PCBD2: variants seen among roughly 807,000 people sequenced by gnomAD.
PCBD2 encodes pterin-4-alpha-carbinolamine dehydratase 2.
In PCBD2, 12 loss-of-function variants were observed where a neutral mutation model predicts 16.4. The observed-to-expected ratio is 0.73, with a 90% CI of 0.47 to 1.19. The LOEUF (loss-of-function observed/expected upper bound fraction) is 1.19, where lower values mean the gene tolerates loss of function less well. PCBD2 is among the 50% of genes most tolerant of loss of function. The pLI, the probability that PCBD2 is intolerant of heterozygous loss-of-function variation, is 0.00. For synonymous variants in PCBD2, 58 were observed against 61.8 expected (o/e 0.94, Z 0.29); for missense variants, 138 against 156.8 (o/e 0.88, Z 0.64).
At chr5:134,921,649 G>A (rs900868856) in intron 2 of PCBD2, among the ~76,000 whole-genome samples, 31 of 152,124 alleles carry the variant, frequency 2.0e-4, no homozygotes, top group Admixed American at 2.0e-3. Flanking sequence ...CCTTCAAATG[G>A]CTTGTTCCTC....
Position 134,912,442 on chromosome 5 carries a change from C to T in PCBD2, c.216+1976C>T, listed in dbSNP as rs922796291. Among the ~76,000 whole-genome samples, 5 of 152,170 alleles carry T rather than the reference C, an allele frequency of 3.3e-5. No homozygotes were observed. The East Asian group carries it at 5.8e-4, about 18-fold the overall frequency. ...AGGGAGAGTGCACACCAAAGGGCAC[C>T]GTGGGGTGAGCCCATATAGGATTTG... On this transcript the variant is annotated intron_variant, in intron 2 of 3. Transcript: ENST00000254908.
intron 2 of PCBD2, among the ~76,000 whole-genome samples, chr5:134,916,978 C>T (rs1232628429): frequency 6.6e-6 from 1 of 152,170 alleles, no homozygotes; most frequent in African/African-American, 2.4e-5. Flanking sequence ...TGTAAAGGAA[C>T]TTTGCTTTTT....
chr5:134,917,015 A>G (rs933181515), intron 2 of PCBD2, among the ~76,000 whole-genome samples: 2 of 152,210 alleles, frequency 1.3e-5, no homozygotes, highest in South Asian at 4.1e-4. Context: ...AGAAGGTGGG[A>G]GAGGTCTGCA....
intron 2 of PCBD2, among the ~76,000 whole-genome samples, chr5:134,941,937 T>C (rs1751233615): frequency 6.7e-6 from 1 of 148,818 alleles, no homozygotes; most frequent in African/African-American, 2.5e-5. Flanking sequence ...GCTAACACGG[T>C]GAAAGCCCGT....
chr5:134,910,308 C>T, intron 1 of PCBD2, 27 bp from the exon 2 acceptor site: 6 of 1,603,182 alleles, frequency 3.7e-6, no homozygotes, highest in Non-Finnish European at 4.3e-6. Flanking sequence ...TGTACATTTT[C>T]AGATATGAAA....
At chr5:134,928,774 G>A (rs1035427617) in intron 2 of PCBD2, among the ~76,000 whole-genome samples, 2 of 152,182 alleles carry the variant, frequency 1.3e-5, no homozygotes, top group African/African-American at 4.8e-5. Context: ...GGCAGAGCTT[G>A]CAGTAAGCCA....
At chr5:134,929,472 G>T (rs1446806510) in intron 2 of PCBD2, among the ~76,000 whole-genome samples, 2 of 152,088 alleles carry the variant, frequency 1.3e-5, no homozygotes, top group Non-Finnish European at 2.9e-5. Flanking sequence ...TGAGTACCAG[G>T]GGATGCCCAT....
chr5:134,935,466 G>C (rs757827531), intron 2 of PCBD2, among the ~76,000 whole-genome samples: 3 of 152,102 alleles, frequency 2.0e-5, no homozygotes, highest in African/African-American at 7.2e-5. Flanking sequence ...TTATTTTGGG[G>C]TGTCATTATA....
At chr5:134,960,536 A>G (rs1268650625) in intron 3 of PCBD2, 50 bp from the exon 4 acceptor site, 1 of 1,308,000 alleles carries the variant, frequency 7.6e-7, no homozygotes, top group East Asian at 2.3e-5. Flanking sequence ...AAAGGAAAAT[A>G]ACCATGATTT....
chr5:134,939,101 C>T (rs1751194308), intron 2 of PCBD2, among the ~76,000 whole-genome samples: 1 of 151,890 alleles, frequency 6.6e-6, no homozygotes, highest in Admixed American at 6.6e-5. Flanking sequence ...TTGGAATATA[C>T]CTGACTATAC....
At chr5:134,957,735 A>G (rs1751430677) in intron 2 of PCBD2, among the ~76,000 whole-genome samples, 1 of 152,188 alleles carries the variant, frequency 6.6e-6, no homozygotes, top group Non-Finnish European at 1.5e-5. Context: ...CCTTCACATA[A>G]TCTAGACAAT....
intron 2 of PCBD2, among the ~76,000 whole-genome samples, chr5:134,949,211 A>C (rs1751332725): frequency 6.6e-6 from 1 of 152,094 alleles, no homozygotes; most frequent in African/African-American, 2.4e-5. Flanking sequence ...CCGTGCCGAC[A>C]CCCACTCAGA....
intron 1 of PCBD2, among the ~76,000 whole-genome samples, chr5:134,906,526 G>C (rs1221319069): frequency 6.6e-6 from 1 of 152,102 alleles, no homozygotes; most frequent in Non-Finnish European, 1.5e-5. Flanking sequence ...GCACTCCGCC[G>C]CTTCTTGTCC....
chr5:134,915,448 T>C, intron 2 of PCBD2, among the ~76,000 whole-genome samples: 1 of 142,818 alleles, frequency 7.0e-6, no homozygotes, highest in East Asian at 2.0e-4. Flanking sequence ...TTTTTTTTTT[T>C]TTTTTTTTTT....
At chr5:134,922,557 G>A (rs1399151273) in intron 2 of PCBD2, among the ~76,000 whole-genome samples, 1 of 152,104 alleles carries the variant, frequency 6.6e-6, no homozygotes, top group Non-Finnish European at 1.5e-5. Flanking sequence ...AGCCGATACT[G>A]TCCTTATCCT....
intron 2 of PCBD2, among the ~76,000 whole-genome samples, chr5:134,912,583 T>G (rs1430891760): frequency 6.6e-6 from 1 of 152,220 alleles, no homozygotes; most frequent in Non-Finnish European, 1.5e-5. Context: ...ATTAAAGCAG[T>G]GCCAAAGCTG....
intron 2 of PCBD2, among the ~76,000 whole-genome samples, chr5:134,953,796 A>G (rs1751385267): frequency 6.6e-6 from 1 of 152,162 alleles, no homozygotes. Context: ...GTGAGACTCC[A>G]TCTTAATAAC....
intron 2 of PCBD2, among the ~76,000 whole-genome samples, chr5:134,917,520 T>C (rs537784772): frequency 7.2e-5 from 11 of 152,232 alleles, no homozygotes; most frequent in Admixed American, 2.0e-4. Context: ...GGTGGTTCTC[T>C]GCGGAGGAGC....
chr5:134,906,417 G>C (rs999431247), intron 1 of PCBD2, among the ~76,000 whole-genome samples: 2 of 151,320 alleles, frequency 1.3e-5, no homozygotes, highest in Non-Finnish European at 2.9e-5. Flanking sequence ...TGTTAGCCAG[G>C]ATGGTCTCGA....
Sources: gnomAD v4.1 joint callset for allele counts (sites outside exome capture counted in the v4.1 genomes callset) on GRCh38, gnomAD v4.1.1 for gene constraint, MANE v1.5 for transcripts, NCBI Gene and HGNC (gene_info 2026-07-23, HGNC 2026-07-21) for gene names.